SV2C: variants seen among roughly 807,000 people sequenced by gnomAD.
The protein encoded by SV2C is solute carrier family 22 member B3.
A neutral mutation model predicts 79.7 loss-of-function variants in SV2C; 49 were observed. The observed-to-expected ratio is 0.61, with a 90% CI of 0.49 to 0.78. SV2C has a LOEUF of 0.78. Ranked by LOEUF, SV2C falls within the 30% of genes least tolerant of loss-of-function variation. The probability of loss-of-function intolerance (pLI) is 0.00; values close to 1 mark genes in which losing one functional copy is unlikely to be tolerated. For synonymous variants in SV2C, 334 were observed against 333.2 expected (o/e 1.00, Z -0.03); for missense variants, 833 against 912.9 (o/e 0.91, Z 1.13).
Position 76,331,870 on chromosome 5 carries a change from C to T in SV2C, c.*6323C>T, listed in dbSNP as rs1321807498. Reference sequence around the variant, plus strand: ...AGGCTGCTGGCTTTGGCACAGCTCCCTGTGCAGGGCTGGATTTCCAATTGC... The same window carrying T: ...AGGCTGCTGGCTTTGGCACAGCTCCTTGTGCAGGGCTGGATTTCCAATTGC... On this transcript the variant is annotated 3_prime_UTR_variant, in exon 13 of 13. Transcript: ENST00000502798. The T allele has an allele frequency of 2.0e-5, 3 of 152,332 alleles. No homozygotes were observed. Among genetic ancestry groups the T allele is most frequent in the African/African-American group, 7.2e-5 (3 of 41,446 alleles). The allele number at this position is 152,332 out of a possible 1,614,324, so 9.4% of individuals were successfully genotyped here.
intron 12 of SV2C, among the ~76,000 whole-genome samples, chr5:76,321,809 T>C (rs1241423721): frequency 6.6e-6 from 1 of 152,016 alleles, no homozygotes. Context: ...GTACTAAAGA[T>C]AATAATTTTT....
intron 12 of SV2C, among the ~76,000 whole-genome samples, chr5:76,306,041 G>A (rs962600569): frequency 3.9e-5 from 6 of 152,176 alleles, no homozygotes; most frequent in Non-Finnish European, 8.8e-5. Flanking sequence ...GGTGGAGCAG[G>A]GGGAAGGATG....
intron 4 of SV2C, among the ~76,000 whole-genome samples, chr5:76,276,232 T>C (rs930704197): frequency 1.3e-5 from 2 of 152,230 alleles, no homozygotes; most frequent in Admixed American, 1.3e-4. Context: ...CCTTCGTTCT[T>C]ATATCTATGT....
the SV2C span, among the ~76,000 whole-genome samples, chr5:76,006,412 T>G: frequency 9.5e-4 from 144 of 152,342 alleles, 1 homozygote; most frequent in South Asian, 2.7e-3. Flanking sequence ...TAGCTTATTC[T>G]GCAGTGTACA....
chr5:75,865,760 C>T, the SV2C span, among the ~76,000 whole-genome samples: 2 of 152,298 alleles, frequency 1.3e-5, no homozygotes, highest in South Asian at 2.1e-4. Flanking sequence ...TTCCGTAGGA[C>T]GTTAATGCCA....
At chr5:76,150,361 A>C (rs1749564679) in intron 2 of SV2C, among the ~76,000 whole-genome samples, 1 of 151,988 alleles carries the variant, frequency 6.6e-6, no homozygotes. Flanking sequence ...TATTTTTAGT[A>C]GAGATGGGGT....
intron 8 of SV2C, among the ~76,000 whole-genome samples, chr5:76,292,978 C>T (rs1434523556): frequency 6.6e-6 from 1 of 152,140 alleles, no homozygotes; most frequent in African/African-American, 2.4e-5. Context: ...CTTAACATCC[C>T]TAAATCAAAC....
chr5:76,000,038 A>G, the SV2C span, among the ~76,000 whole-genome samples: 4 of 152,132 alleles, frequency 2.6e-5, no homozygotes, highest in Admixed American at 6.6e-5. Flanking sequence ...GGACACAAAT[A>G]TTCAAACCAT....
intron 4 of SV2C, among the ~76,000 whole-genome samples, chr5:76,240,851 T>C (rs892477965): frequency 2.0e-5 from 3 of 152,236 alleles, no homozygotes; most frequent in African/African-American, 7.2e-5. Context: ...ACCAATTTTT[T>C]GAAGTATATT....
intron 2 of SV2C, among the ~76,000 whole-genome samples, chr5:76,147,234 A>C (rs892246169): frequency 6.6e-6 from 1 of 152,206 alleles, no homozygotes; most frequent in Non-Finnish European, 1.5e-5. Flanking sequence ...TTTTAACACA[A>C]TACAAAAAGA....
At chr5:76,096,720 T>G (rs1353119993) in intron 1 of SV2C, among the ~76,000 whole-genome samples, 1 of 152,188 alleles carries the variant, frequency 6.6e-6, no homozygotes, top group African/African-American at 2.4e-5. Context: ...TGAGGGTATT[T>G]CTAGAGGCAA....
chr5:76,084,599 G>C (rs1172624603), intron 1 of SV2C, among the ~76,000 whole-genome samples: 3 of 151,292 alleles, frequency 2.0e-5, no homozygotes, highest in South Asian at 4.2e-4. Flanking sequence ...CTGAGCCACG[G>C]GGGCTAGAGG....
At chr5:76,179,957 T>G (rs1199020374) in intron 2 of SV2C, among the ~76,000 whole-genome samples, 1 of 149,728 alleles carries the variant, frequency 6.7e-6, no homozygotes, top group Non-Finnish European at 1.5e-5. Context: ...GAAAAAAAAC[T>G]TACAGATAAT....
At chr5:75,888,880 G>T in the SV2C span, among the ~76,000 whole-genome samples, 1 of 151,890 alleles carries the variant, frequency 6.6e-6, no homozygotes, top group South Asian at 2.1e-4. Context: ...TCACAGACTG[G>T]GTGGCTTAAA....
the SV2C span, among the ~76,000 whole-genome samples, chr5:76,033,415 A>G: frequency 6.6e-6 from 1 of 152,122 alleles, no homozygotes; most frequent in Non-Finnish European, 1.5e-5. Context: ...ATCTTGAATT[A>G]ATTTTTGTAT....
the SV2C span, among the ~76,000 whole-genome samples, chr5:76,018,097 TG>T: frequency 6.6e-6 from 1 of 152,306 alleles, no homozygotes; most frequent in South Asian, 2.1e-4. Flanking sequence ...AGCAGATCCC[TG>T]GGTGGCCTGA....
chr5:76,039,691 G>A, the SV2C span, among the ~76,000 whole-genome samples: 3 of 150,920 alleles, frequency 2.0e-5, no homozygotes, highest in East Asian at 1.9e-4. Context: ...AAAAGGCAGA[G>A]GTTGCAGTGA....
chr5:75,851,227 A>C, the SV2C span, among the ~76,000 whole-genome samples: 3 of 152,218 alleles, frequency 2.0e-5, no homozygotes, highest in Non-Finnish European at 1.5e-5. Context: ...GAATCTCTTA[A>C]AAGATTTTCC....
At chr5:76,067,402 A>C in the SV2C span, among the ~76,000 whole-genome samples, 6 of 147,386 alleles carry the variant, frequency 4.1e-5, no homozygotes, top group African/African-American at 1.5e-4. Context: ...AATTTTCCAC[A>C]GTATCTTTGG....
Sources: gnomAD v4.1 joint callset for allele counts (sites outside exome capture counted in the v4.1 genomes callset) on GRCh38, gnomAD v4.1.1 for gene constraint, MANE v1.5 for transcripts, NCBI Gene and HGNC (gene_info 2026-07-23, HGNC 2026-07-21) for gene names.